Variants in PRH1 observed in about 807,000 individuals in gnomAD.
The protein encoded by PRH1 is salivary acidic proline-rich phosphoprotein 1/2.
A neutral mutation model predicts 7.9 loss-of-function variants in PRH1; 7 were observed. The observed-to-expected ratio is 0.89, with a 90% CI of 0.50 to 1.67. PRH1 has a LOEUF of 1.67. Ranked by LOEUF, PRH1 falls within the 40% of genes most tolerant of loss-of-function variation. PRH1 has a pLI of 0.00. For missense variants in PRH1, 109 were observed against 223.6 expected (o/e 0.49, Z 3.27); for synonymous variants, 45 against 80.8 (o/e 0.56, Z 2.38).
chr12:10,978,295 T>C (rs1939200732), intron 1 of PRH1, among the ~76,000 whole-genome samples: 1 of 152,030 alleles, frequency 6.6e-6, no homozygotes, highest in Non-Finnish European at 1.5e-5. Flanking sequence ...TCAACAAAGT[T>C]AAGAAAAACA....
In PRH1 at chr12:11,096,199, G is replaced by A. The variant is rs561102372; in HGVS notation, n.124-49011C>T. Among the ~76,000 whole-genome samples, 2 of 115,424 alleles carry A rather than the reference G, an allele frequency of 1.7e-5. 1 individual carries two copies. Among genetic ancestry groups the A allele is most frequent in the Non-Finnish European group, 4.1e-5 (2 of 48,724 alleles). The allele number at this position is 115,424 out of a possible 152,430, so 75.7% of individuals were successfully genotyped here. A position where few individuals can be genotyped will look rare whatever the true frequency, so the allele number is the denominator to read the frequency against. On this transcript the variant is annotated intron_variant and non_coding_transcript_variant, in intron 1 of 4. Coordinates refer to the PRH1 transcript ENST00000541977. ...CTTCTGGAACTGCAGAAGTATGTTA[G>A]TTGTTCTGATTGTAGCTTCACTGTC...
At chr12:11,024,796 G>T (rs35692971) in intron 1 of PRH1, among the ~76,000 whole-genome samples, 63,181 of 149,114 alleles carry the variant, frequency 0.42, 13,397 homozygotes, top group Non-Finnish European at 0.49. Flanking sequence ...ATATATCTGG[G>T]TGTAGAATTA....
upstream of PRH1, chr12:11,049,155 C>T: frequency 5.3e-6 from 2 of 379,746 alleles, no homozygotes; most frequent in African/African-American, 2.9e-5. Flanking sequence ...TCTTAACCCA[C>T]TCAAGGACAC....
intron 2 of PRH1, among the ~76,000 whole-genome samples, chr12:10,932,052 CG>C (rs1565480023): frequency 2.0e-5 from 3 of 152,122 alleles, no homozygotes; most frequent in African/African-American, 7.2e-5. Context: ...AAGCACATTA[CG>C]TGCAATGGCA....
chr12:11,030,128 G>T (rs552805465), intron 1 of PRH1, among the ~76,000 whole-genome samples: 2 of 152,256 alleles, frequency 1.3e-5, no homozygotes, highest in South Asian at 2.1e-4. Flanking sequence ...AAAATTCTAA[G>T]AAATTTTTGT....
intron 2 of PRH1, among the ~76,000 whole-genome samples, chr12:10,919,227 A>T (rs1950013261): frequency 6.6e-6 from 1 of 152,200 alleles, no homozygotes; most frequent in African/African-American, 2.4e-5. Context: ...TCACATATTT[A>T]AGATGGAAAA....
intron 1 of PRH1, among the ~76,000 whole-genome samples, chr12:11,107,439 T>C (rs191738085): frequency 1.3e-5 from 2 of 152,350 alleles, no homozygotes; most frequent in East Asian, 1.9e-4. Context: ...AATGACCAGC[T>C]GAACTGAAAT....
Position 10,957,670 on chromosome 12 carries a change from A to C in PRH1, c.-59+15985T>G, listed in dbSNP as rs148873742. 4.6e-3 allele frequency among the ~76,000 whole-genome samples: 699 copies of C among 152,220 alleles called. 5 individuals carry two copies. Among genetic ancestry groups the C allele is most frequent in the African/African-American group, 0.016 (673 of 41,556 alleles). On this transcript the variant is annotated intron_variant, in intron 2 of 3. Coordinates refer to the PRH1 transcript ENST00000539853. ...AGAAAATATTTCGTAAACTATGCAA[A>C]TGACAAAGGCGTAATATCCGGAACA...
intron 1 of PRH1, among the ~76,000 whole-genome samples, chr12:11,138,148 T>G (rs541727535): frequency 2.0e-5 from 3 of 152,336 alleles, no homozygotes; most frequent in African/African-American, 4.8e-5. Flanking sequence ...TGGGTTTTTT[T>G]GTGCAGTTTT....
intron 1 of PRH1, among the ~76,000 whole-genome samples, chr12:11,101,391 A>G (rs751593704): frequency 6.6e-6 from 1 of 152,148 alleles, no homozygotes; most frequent in Non-Finnish European, 1.5e-5. Flanking sequence ...TCTGGAGGCT[A>G]AGATGGGAGA....
At chr12:10,938,019 A>G in intron 2 of PRH1, 1 of 389,222 alleles carries the variant, frequency 2.6e-6, no homozygotes, top group Non-Finnish European at 4.5e-6. Context: ...TGAATGATTG[A>G]TACAAAATCT....
Position 11,168,200 on chromosome 12 carries a change from C to CGAAA in PRH1, n.39+3218_39+3221dup, listed in dbSNP as rs1235000609. 3.3e-4 allele frequency among the ~76,000 whole-genome samples: 12 copies of CGAAA among 36,324 alleles called. 4 individuals are homozygous for CGAAA. Among genetic ancestry groups the CGAAA allele is most frequent in the Non-Finnish European group, 8.7e-4 (11 of 12,654 alleles). The allele number at this position is 36,324 out of a possible 152,430, so 23.8% of individuals were successfully genotyped here. A position where few individuals can be genotyped will look rare whatever the true frequency, so the allele number is the denominator to read the frequency against. ...TACATATTAAAGCCATGGCAAAAAA[C>CGAAA]GAAAGAAAGAAAGAAGAAAGAAAGA... On this transcript the variant is annotated intron_variant and non_coding_transcript_variant, in intron 1 of 1. Coordinates refer to the PRH1 transcript ENST00000541175.
intron 1 of PRH1, among the ~76,000 whole-genome samples, chr12:11,099,328 A>G (rs1222686120): frequency 1.3e-5 from 2 of 152,076 alleles, no homozygotes; most frequent in Non-Finnish European, 2.9e-5. Context: ...ATGAAGTCAG[A>G]TTGCCCCCAC....
chr12:11,108,248 G>A (rs565700455), intron 1 of PRH1, among the ~76,000 whole-genome samples: 2 of 152,222 alleles, frequency 1.3e-5, no homozygotes, highest in Non-Finnish European at 2.9e-5. Flanking sequence ...GCTATAAAAC[G>A]TACGGGTAAT....
intron 2 of PRH1, among the ~76,000 whole-genome samples, chr12:10,936,757 C>T (rs768479479): frequency 3.9e-5 from 6 of 152,118 alleles, no homozygotes; most frequent in South Asian, 4.1e-4. Flanking sequence ...TATTGTACTA[C>T]GGCCTCACTG....
At chr12:10,994,524 C>T (rs969184188) in intron 1 of PRH1, among the ~76,000 whole-genome samples, 1 of 152,184 alleles carries the variant, frequency 6.6e-6, no homozygotes, top group Non-Finnish European at 1.5e-5. Flanking sequence ...TCATATCACA[C>T]ATTACAGCAC....
intron 1 of PRH1, chr12:11,134,404 T>C (rs2136374865): frequency 1.1e-6 from 1 of 913,592 alleles, no homozygotes; most frequent in South Asian, 1.9e-5. Flanking sequence ...AAGTCAGAAA[T>C]CACCATGGCA....
chr12:10,949,218 G>A (rs1353273028), intron 2 of PRH1, among the ~76,000 whole-genome samples: 1 of 152,182 alleles, frequency 6.6e-6, no homozygotes, highest in East Asian at 1.9e-4. Flanking sequence ...GAGAGATGCA[G>A]GTCAGCAAAC....
intron 2 of PRH1, among the ~76,000 whole-genome samples, chr12:10,970,947 A>C (rs376678999): frequency 6.6e-6 from 1 of 152,236 alleles, no homozygotes; most frequent in Non-Finnish European, 1.5e-5. Flanking sequence ...TTACAGTTCT[A>C]TCTATGAGAA....
Sources: gnomAD v4.1 joint callset for allele counts (sites outside exome capture counted in the v4.1 genomes callset) on GRCh38, gnomAD v4.1.1 for gene constraint, MANE v1.5 for transcripts, NCBI Gene and HGNC (gene_info 2026-07-23, HGNC 2026-07-21) for gene names.